COBLL1: variants seen among roughly 807,000 people sequenced by gnomAD.
The protein encoded by COBLL1 is cordon-bleu WH2 repeat protein like 1.
In COBLL1, 50 loss-of-function variants were observed where a neutral mutation model predicts 94.8. That is an observed-to-expected ratio of 0.53 (90% CI 0.42 to 0.67). The LOEUF (loss-of-function observed/expected upper bound fraction) is 0.67. COBLL1 is among the 30% of genes least tolerant of loss of function. COBLL1 has a pLI of 0.00. For synonymous variants in COBLL1, 448 were observed against 473.8 expected (o/e 0.95, Z 0.71); for missense variants, 1,362 against 1,348.7 (o/e 1.01, Z -0.15).
At chr2:164,693,892 C>A (rs1683749587) in intron 12 of COBLL1, among the ~76,000 whole-genome samples, 1 of 152,018 alleles carries the variant, frequency 6.6e-6, no homozygotes, top group African/African-American at 2.4e-5. Context: ...ATTTCCTTTA[C>A]TATTACATAG....
At chr2:164,720,810 T>C (rs1481160229) in intron 7 of COBLL1, among the ~76,000 whole-genome samples, 2 of 152,100 alleles carry the variant, frequency 1.3e-5, no homozygotes, top group South Asian at 2.1e-4. Flanking sequence ...TCAAGAATCA[T>C]CTCTCCGTGA....
intron 3 of COBLL1, among the ~76,000 whole-genome samples, chr2:164,742,785 G>C (rs1686665128): frequency 6.6e-6 from 1 of 151,900 alleles, no homozygotes; most frequent in Non-Finnish European, 1.5e-5. Context: ...AGTTTTTCTA[G>C]ACAAAACCAG....
chr2:164,762,626 G>A (rs1687738083), intron 2 of COBLL1, among the ~76,000 whole-genome samples: 1 of 151,618 alleles, frequency 6.6e-6, no homozygotes, highest in Non-Finnish European at 1.5e-5. Context: ...TAAATCACTT[G>A]CATTATTAAA....
intron 7 of COBLL1, among the ~76,000 whole-genome samples, chr2:164,715,681 T>G (rs1193683208): frequency 6.6e-6 from 1 of 151,946 alleles, no homozygotes; most frequent in Non-Finnish European, 1.5e-5. Flanking sequence ...AAAAATTAAG[T>G]CAGTTATTTT....
Position 164,699,479 on chromosome 2 carries a change from T to C in COBLL1, c.1481A>G (p.Tyr494Cys). 6.2e-7 allele frequency: 1 copy of C among 1,611,148 alleles called. No individual in the cohort carries two copies. The highest frequency in any genetic ancestry group is 8.5e-7 in the Non-Finnish European group (1 of 1,177,510). The change falls in exon 11 of 14, where the codon TAT becomes TGT. Residue 494 changes from tyrosine (Y) to cysteine (C), a missense_variant. Tyr to Cys is a radical substitution (Grantham distance 194, BLOSUM62 -2). Transcript: ENST00000652658. ...TACCTTCTTTCCATTGCTTGTATCA[T>C]ATACTACACTGTGTGGTTCTCTGGA... ...TDGQEPHSVV[Y>C]DTSNGKKVVD...
chr2:164,694,660 G>T lies in COBLL1; in HGVS notation c.2732C>A (p.Ser911Tyr). The T allele has an allele frequency of 6.2e-7, 1 of 1,613,800 alleles. No homozygotes were observed. Among genetic ancestry groups the T allele is most frequent in the Non-Finnish European group, 8.5e-7 (1 of 1,179,932 alleles). Residue 911 changes from serine to tyrosine, a missense_variant, in exon 12 of 14, where the codon TCT becomes TAT. Ser to Tyr is a moderately radical substitution (Grantham distance 144). Transcript: ENST00000652658. ...TAAGGGAGAAAGAGTCTGCTCCGGA[G>T]AAGGCAGCATATCCCTTTCTGCCTC... ...NKEAERDMLP[S>Y]PEQTLSPLSK...
At chr2:164,741,510 G>A (rs1373755886) in intron 3 of COBLL1, among the ~76,000 whole-genome samples, 1 of 147,390 alleles carries the variant, frequency 6.8e-6, no homozygotes, top group Non-Finnish European at 1.5e-5. Flanking sequence ...CCAGGGTTAA[G>A]AAAAGCAGTT....
At chr2:164,674,858 C>T (rs913306982) in intron 1 of COBLL1, among the ~76,000 whole-genome samples, 1 of 152,220 alleles carries the variant, frequency 6.6e-6, no homozygotes, top group Non-Finnish European at 1.5e-5. Context: ...CACTGCTATT[C>T]CACATGTTGG....
intron 2 of COBLL1, among the ~76,000 whole-genome samples, chr2:164,659,381 G>A (rs1186743340): frequency 6.6e-6 from 1 of 152,206 alleles, no homozygotes; most frequent in Admixed American, 6.5e-5. Flanking sequence ...ATAGGTTTGA[G>A]CAATTACTTG....
chr2:164,756,758 A>C (rs1687429494), intron 2 of COBLL1, among the ~76,000 whole-genome samples: 1 of 152,104 alleles, frequency 6.6e-6, no homozygotes, highest in Non-Finnish European at 1.5e-5. Flanking sequence ...CAGGGTAATA[A>C]AAAAAGATAC....
At chr2:164,802,221 C>T (rs1236638649) in intron 2 of COBLL1, among the ~76,000 whole-genome samples, 2 of 152,024 alleles carry the variant, frequency 1.3e-5, no homozygotes, top group Non-Finnish European at 2.9e-5. Context: ...GAAACTGAAA[C>T]AAAAAGTAAA....
intron 2 of COBLL1, among the ~76,000 whole-genome samples, chr2:164,754,725 C>A (rs1184038639): frequency 6.6e-6 from 1 of 152,196 alleles, no homozygotes; most frequent in Non-Finnish European, 1.5e-5. Context: ...ATCCAAGAAC[C>A]TTTCTTGTTT....
chr2:164,834,976 A>T (rs1210873061), intron 2 of COBLL1, among the ~76,000 whole-genome samples: 4 of 152,160 alleles, frequency 2.6e-5, no homozygotes, highest in Non-Finnish European at 5.9e-5. Context: ...TGCTACAGGG[A>T]AGGGGGGCTC....
intron 2 of COBLL1, among the ~76,000 whole-genome samples, chr2:164,752,169 A>C (rs559068195): frequency 6.6e-6 from 1 of 152,182 alleles, no homozygotes; most frequent in Non-Finnish European, 1.5e-5. Flanking sequence ...CTAATCCTTG[A>C]GTGTTGACTG....
At chr2:164,836,165 T>C (rs897291358) in intron 2 of COBLL1, among the ~76,000 whole-genome samples, 3 of 152,112 alleles carry the variant, frequency 2.0e-5, no homozygotes, top group East Asian at 3.8e-4. Flanking sequence ...TTTTGAAATA[T>C]TGTTATACAT....
At chr2:164,717,166 A>T (rs1157982702) in intron 7 of COBLL1, among the ~76,000 whole-genome samples, 1 of 152,166 alleles carries the variant, frequency 6.6e-6, no homozygotes, top group African/African-American at 2.4e-5. Flanking sequence ...GGAGAAAAAA[A>T]ATGGAAAAAT....
At chr2:164,691,490 G>A (rs1157971840) in intron 13 of COBLL1, among the ~76,000 whole-genome samples, 1 of 152,130 alleles carries the variant, frequency 6.6e-6, no homozygotes, top group Non-Finnish European at 1.5e-5. Flanking sequence ...AAGGGGAGAA[G>A]ACAAGAGAGG....
chr2:164,838,659 T>C (rs1170840323), intron 2 of COBLL1, among the ~76,000 whole-genome samples: 2 of 152,194 alleles, frequency 1.3e-5, no homozygotes, highest in Non-Finnish European at 2.9e-5. Flanking sequence ...TTCTCATTTA[T>C]AAAATGTGGA....
intron 7 of COBLL1, among the ~76,000 whole-genome samples, chr2:164,717,483 G>A (rs913615093): frequency 3.9e-5 from 6 of 152,098 alleles, no homozygotes; most frequent in Admixed American, 1.3e-4. Flanking sequence ...TCACTTGTAC[G>A]TTCATATGTT....
Sources: allele counts gnomAD v4.1 joint callset (sites outside exome capture counted in the v4.1 genomes callset), GRCh38; gene constraint gnomAD v4.1.1; transcripts MANE v1.5; gene names NCBI Gene and HGNC (gene_info 2026-07-23, HGNC 2026-07-21).